TTC7A: variants seen among roughly 807,000 people sequenced by gnomAD.
TTC7A encodes tetratricopeptide repeat protein 7A.
A neutral mutation model predicts 103.7 loss-of-function variants in TTC7A; 110 were observed. The ratio of observed to expected loss-of-function variants is 1.06; its 90% CI spans 0.91 to 1.24. TTC7A has a LOEUF of 1.24. Among genes scored for constraint, TTC7A ranks in the 50% most tolerant of loss-of-function variants. The pLI is 0.00. For synonymous variants in TTC7A, 521 were observed against 467.9 expected (o/e 1.11, Z -1.47); for missense variants, 1,340 against 1,116.3 (o/e 1.20, Z -2.86).
At chr2:46,968,187 G>C (rs1673023645) in intron 3 of TTC7A, among the ~76,000 whole-genome samples, 1 of 152,224 alleles carries the variant, frequency 6.6e-6, no homozygotes, top group African/African-American at 2.4e-5. Context: ...GCCAGGATCA[G>C]CTTGGCTCCA....
chr2:47,047,166 C>T (rs1182838630), intron 16 of TTC7A: 1 of 695,320 alleles, frequency 1.4e-6, no homozygotes, highest in Non-Finnish European at 2.5e-6. Context: ...AGGAGCCCTG[C>T]CTCTTCCTGA....
intron 2 of TTC7A, among the ~76,000 whole-genome samples, chr2:46,918,502 G>A (rs1262678872): frequency 6.6e-6 from 1 of 152,178 alleles, no homozygotes; most frequent in Non-Finnish European, 1.5e-5. Context: ...TTTTATAGGT[G>A]GGTGTTCTGT....
At chr2:47,058,638 A>G (rs555967639) in intron 18 of TTC7A, among the ~76,000 whole-genome samples, 13 of 152,158 alleles carry the variant, frequency 8.5e-5, no homozygotes, top group Admixed American at 2.0e-4. Flanking sequence ...TGCGTTCCTC[A>G]TCTGTGTCTT....
chr2:46,999,884 G>C (rs1676615465), intron 8 of TTC7A: 19 of 985,374 alleles, frequency 1.9e-5, no homozygotes, highest in Non-Finnish European at 2.3e-5. Context: ...GTTGAGAGTG[G>C]GGTGGATAGG....
intron 17 of TTC7A, chr2:47,050,277 G>A: frequency 1.8e-6 from 1 of 551,964 alleles, no homozygotes; most frequent in Non-Finnish European, 3.3e-6. Flanking sequence ...CCTGCATGGG[G>A]GTGAAGAAAG....
chr2:47,072,379 CA>C (rs1487014397), intron 19 of TTC7A, among the ~76,000 whole-genome samples: 3 of 152,236 alleles, frequency 2.0e-5, no homozygotes, highest in African/African-American at 7.2e-5. Context: ...GATCTCCAGC[CA>C]GCGCCTCTGG....
intron 3 of TTC7A, among the ~76,000 whole-genome samples, chr2:46,973,590 G>A (rs1452010639): frequency 3.3e-5 from 5 of 152,158 alleles, no homozygotes; most frequent in African/African-American, 7.2e-5. Context: ...AACAAATGGC[G>A]TGCTTCCAAA....
At chr2:47,051,971 G>A in intron 18 of TTC7A, 91 bp downstream of exon 18, 1 of 1,475,528 alleles carries the variant, frequency 6.8e-7, no homozygotes, top group Non-Finnish European at 9.1e-7. Context: ...GTGTGGGGAG[G>A]TGGGGACACC....
intron 3 of TTC7A, chr2:46,958,576 G>A (rs1250790483): frequency 8.5e-6 from 11 of 1,298,490 alleles, no homozygotes; most frequent in African/African-American, 7.6e-5. Context: ...CGCTGCCGGC[G>A]CGGGCTGCTT....
intron 19 of TTC7A, among the ~76,000 whole-genome samples, chr2:47,064,030 T>C (rs1683997055): frequency 6.6e-6 from 1 of 152,250 alleles, no homozygotes; most frequent in South Asian, 2.1e-4. Context: ...CCTGTCCCCC[T>C]GTCGGTGCCC....
chr2:46,924,054 A>C (rs1669258105), intron 2 of TTC7A, among the ~76,000 whole-genome samples: 1 of 151,876 alleles, frequency 6.6e-6, no homozygotes, highest in Non-Finnish European at 1.5e-5. Context: ...ATTTTTTAAA[A>C]AATAGCCAGG....
At chr2:47,072,032 G>A (rs978038105) in intron 19 of TTC7A, among the ~76,000 whole-genome samples, 3 of 152,176 alleles carry the variant, frequency 2.0e-5, no homozygotes, top group African/African-American at 2.4e-5. Flanking sequence ...CTGGCGGCCC[G>A]TCGGCTGGCC....
At chr2:46,994,984 G>A (rs183475824) in intron 7 of TTC7A, 152 bp from the exon 8 acceptor site, 2 of 705,476 alleles carry the variant, frequency 2.8e-6, no homozygotes, top group South Asian at 1.7e-5. Flanking sequence ...ATAACTCTGG[G>A]GCATATGGTA....
chr2:46,917,472 A>G (rs928568500), intron 2 of TTC7A, among the ~76,000 whole-genome samples: 2 of 152,190 alleles, frequency 1.3e-5, no homozygotes, highest in African/African-American at 4.8e-5. Flanking sequence ...ATTCAATAAC[A>G]TTTCTTGAAT....
intron 15 of TTC7A, among the ~76,000 whole-genome samples, chr2:47,041,042 T>A (rs961508797): frequency 3.3e-5 from 5 of 152,218 alleles, no homozygotes; most frequent in African/African-American, 1.2e-4. Context: ...GTGATACTTT[T>A]TGGCCTTGCC....
At chr2:47,000,433 G>T (rs1252177721) in intron 8 of TTC7A, among the ~76,000 whole-genome samples, 1 of 152,212 alleles carries the variant, frequency 6.6e-6, no homozygotes, top group Non-Finnish European at 1.5e-5. Flanking sequence ...GTTCAGTGGA[G>T]GTGGGAGAGC....
At chr2:47,072,610 G>A (rs1558655228) in intron 19 of TTC7A, among the ~76,000 whole-genome samples, 1 of 152,192 alleles carries the variant, frequency 6.6e-6, no homozygotes, top group East Asian at 1.9e-4. Flanking sequence ...CACCGGAGAG[G>A]GGGCTCCAGG....
Position 46,987,667 on chromosome 2 carries a change from A to AT in TTC7A, c.765-5779dup, listed in dbSNP as rs1675153543. Among the ~76,000 whole-genome samples, 4 of 152,236 alleles carry AT rather than the reference A, an allele frequency of 2.6e-5. No individual in the cohort carries two copies. In the Middle Eastern group the frequency reaches 0.014, roughly 518 times the overall value. ...AGCAGGTTTTGTGCTTGTTCTTTTA[A>AT]TTTTGTTTTAATTAGTAAAGCAACA... is the stretch of plus-strand genomic sequence containing the variant. On this transcript the variant is annotated intron_variant, in intron 5 of 19. Transcript: ENST00000319190.
At chr2:47,018,634 T>C (rs1477407800) in intron 11 of TTC7A, among the ~76,000 whole-genome samples, 1 of 149,464 alleles carries the variant, frequency 6.7e-6, no homozygotes, top group African/African-American at 2.5e-5. Context: ...TATATACATA[T>C]AAGAAAGTAG....
Sources: gnomAD v4.1 joint callset for allele counts (sites outside exome capture counted in the v4.1 genomes callset) on GRCh38, gnomAD v4.1.1 for gene constraint, MANE v1.5 for transcripts, NCBI Gene and HGNC (gene_info 2026-07-23, HGNC 2026-07-21) for gene names.